ARID1B: variants seen among roughly 807,000 people sequenced by gnomAD.
ARID1B encodes AT-rich interaction domain 1B, also known as AT-rich interactive domain-containing protein 1B.
In ARID1B, 30 loss-of-function variants were observed where a neutral mutation model predicts 212.3. That is an observed-to-expected ratio of 0.14 (90% CI 0.11 to 0.19). The LOEUF (loss-of-function observed/expected upper bound fraction) is 0.19, where lower values mean the gene tolerates loss of function less well. Among genes scored for constraint, ARID1B ranks in the 10% least tolerant of loss-of-function variants. The probability of loss-of-function intolerance (pLI) is 1.00; values close to 1 mark genes in which losing one functional copy is unlikely to be tolerated. For synonymous variants in ARID1B, 1,402 were observed against 1,301.7 expected, an observed-to-expected ratio of 1.08 and a Z score of -1.66; for missense variants, 2,891 against 3,204.0, an observed-to-expected ratio of 0.90 and a Z score of 2.36.
intron 4 of ARID1B, among the ~76,000 whole-genome samples, chr6:156,960,256 G>C (rs545956513): frequency 3.9e-5 from 6 of 152,050 alleles, no homozygotes; most frequent in Admixed American, 3.3e-4. Context: ...TTTAAACCAC[G>C]ACCAAAACAG....
chr6:157,007,689 G>A (rs12206666), intron 4 of ARID1B, among the ~76,000 whole-genome samples: 47,401 of 151,468 alleles, frequency 0.31, 7,588 homozygotes, highest in African/African-American at 0.32. Context: ...AAGTTCCATA[G>A]GAATTTTTGC....
intron 2 of ARID1B, among the ~76,000 whole-genome samples, chr6:156,835,101 G>A (rs754297153): frequency 1.8e-4 from 27 of 152,108 alleles, no homozygotes; most frequent in Middle Eastern, 3.4e-3. Context: ...ATTAGCCGGC[G>A]TGGTGGCGGG....
rs146552035 is a variant in ARID1B at position 156,836,465 on chromosome 6, A to G, written c.1986+7044A>G. Among the ~76,000 whole-genome samples the G allele has an allele frequency of 4.6e-5, 7 of 152,222 alleles. No individual in the cohort carries two copies. The East Asian group carries it at 1.2e-3, about 25-fold the overall frequency. Reference sequence around the variant, plus strand: ...GAATCAGAAACTCACCACTGACCCAAAGGAATGAAATGGGCCCAGAACCAG... The same window carrying G: ...GAATCAGAAACTCACCACTGACCCAGAGGAATGAAATGGGCCCAGAACCAG... On this transcript the variant is annotated intron_variant, in intron 2 of 19. Coordinates refer to ENST00000636930, the MANE Select transcript of ARID1B (RefSeq NM_001374828.1).
intron 2 of ARID1B, among the ~76,000 whole-genome samples, chr6:156,848,938 C>T (rs1784406902): frequency 1.3e-5 from 2 of 152,316 alleles, no homozygotes; most frequent in South Asian, 4.1e-4. Context: ...AAGGAGACAA[C>T]TTTGAGTAAA....
intron 3 of ARID1B, among the ~76,000 whole-genome samples, chr6:156,913,940 C>T (rs1268106744): frequency 2.0e-5 from 3 of 149,976 alleles, no homozygotes; most frequent in Admixed American, 6.6e-5. Flanking sequence ...TCTCCACTCC[C>T]CAACGACCAG....
chr6:156,905,537 A>G (rs1000669194), intron 3 of ARID1B, among the ~76,000 whole-genome samples: 1 of 152,238 alleles, frequency 6.6e-6, no homozygotes, highest in Non-Finnish European at 1.5e-5. Flanking sequence ...TTCCATTTAC[A>G]GTACCTTCCA....
intron 2 of ARID1B, among the ~76,000 whole-genome samples, chr6:156,881,229 C>T (rs1235336799): frequency 1.3e-5 from 2 of 152,192 alleles, no homozygotes; most frequent in Non-Finnish European, 2.9e-5. Context: ...AATTACGGCT[C>T]ACTCAGGCAG....
intron 4 of ARID1B, among the ~76,000 whole-genome samples, chr6:156,988,065 A>G (rs1778042338): frequency 6.6e-6 from 1 of 151,104 alleles, no homozygotes; most frequent in Non-Finnish European, 1.5e-5. Flanking sequence ...CATATAGGCA[A>G]AACACTCTAA....
At chr6:157,022,040 C>T (rs1780330998) in intron 4 of ARID1B, among the ~76,000 whole-genome samples, 1 of 152,216 alleles carries the variant, frequency 6.6e-6, no homozygotes, top group Non-Finnish European at 1.5e-5. Context: ...GGAACCCGTT[C>T]GCGTAATTAA....
At chr6:157,087,782 G>A (rs943412182) in intron 5 of ARID1B, among the ~76,000 whole-genome samples, 1 of 145,668 alleles carries the variant, frequency 6.9e-6, no homozygotes, top group Non-Finnish European at 1.5e-5. Context: ...TTTTCACAGA[G>A]TTGAGCTCAG....
Position 156,778,434 on chromosome 6 carries a change from G to T in ARID1B, c.754G>T (p.Gly252Cys), listed in dbSNP as rs1269347919. 5 of 1,467,530 alleles carry T rather than the reference G, an allele frequency of 3.4e-6. No individual in the cohort carries two copies. Among genetic ancestry groups the T allele is most frequent in the Non-Finnish European group, 4.5e-6 (5 of 1,114,608 alleles). 90.9% of individuals were successfully genotyped at this position (1,467,530 alleles called of 1,614,324 possible). ...HGGAKDSAAGGQADPPGPPLL... is the reference protein window; with the variant it reads ...HGGAKDSAAGCQADPPGPPLL... The stretch of plus-strand genomic sequence containing the variant: ...AGGCGCCAAGGACAGTGCTGCGGGC[G>T]GCCAGGCCGACCCCCCGGGCCCGCC... The change falls in exon 1 of 20, where the codon GGC becomes TGC. Residue 252 changes from glycine to cysteine, a missense_variant. By Grantham distance (159) the Gly-to-Cys change is radical. Around this residue, in one of 7 missense-constraint regions of ARID1B, gnomAD observed 1,643 missense variants for 1,544.0 expected, o/e 1.06. Coordinates refer to ENST00000636930, the MANE Select transcript of ARID1B (RefSeq NM_001374828.1).
chr6:157,124,070 T>C (rs1787968802), intron 6 of ARID1B, among the ~76,000 whole-genome samples: 1 of 152,240 alleles, frequency 6.6e-6, no homozygotes, highest in Non-Finnish European at 1.5e-5. Context: ...TCGTTTTTCT[T>C]CCTTGCCTTG....
intron 1 of ARID1B, among the ~76,000 whole-genome samples, chr6:156,811,220 A>G (rs1781533774): frequency 6.6e-6 from 1 of 152,156 alleles, no homozygotes. Context: ...ATGTCATGTG[A>G]TTAAGGAGGG....
chr6:157,192,653 TG>T (rs907823933), intron 15 of ARID1B, among the ~76,000 whole-genome samples: 5 of 152,248 alleles, frequency 3.3e-5, no homozygotes, highest in Non-Finnish European at 5.9e-5. Flanking sequence ...CATCCTACTT[TG>T]GTGACTGTCT....
intron 4 of ARID1B, among the ~76,000 whole-genome samples, chr6:157,053,799 C>T (rs1782758149): frequency 6.6e-6 from 1 of 152,158 alleles, no homozygotes; most frequent in Non-Finnish European, 1.5e-5. Flanking sequence ...ATGAGCTGGG[C>T]ACTGTGGTTC....
At chr6:156,855,616 T>C (rs1421283536) in intron 2 of ARID1B, among the ~76,000 whole-genome samples, 2 of 152,244 alleles carry the variant, frequency 1.3e-5, no homozygotes, top group African/African-American at 4.8e-5. Flanking sequence ...AGCTAAACAA[T>C]AAGTTAGCTA....
intron 5 of ARID1B, among the ~76,000 whole-genome samples, chr6:157,108,306 C>G (rs753046862): frequency 5.3e-5 from 8 of 152,156 alleles, no homozygotes; most frequent in Non-Finnish European, 1.0e-4. Context: ...TTACTTACAG[C>G]CTTTTTTATT....
chr6:156,981,527 A>G (rs942577732), intron 4 of ARID1B, among the ~76,000 whole-genome samples: 6 of 152,214 alleles, frequency 3.9e-5, no homozygotes, highest in African/African-American at 7.2e-5. Flanking sequence ...GTACATATAC[A>G]TGCAATCATT....
At chr6:156,927,646 A>G (rs1405344286) in intron 3 of ARID1B, among the ~76,000 whole-genome samples, 1 of 152,244 alleles carries the variant, frequency 6.6e-6, no homozygotes, top group Non-Finnish European at 1.5e-5. Context: ...TGTGTTCTGT[A>G]GCACATTTAC....
Sources: gnomAD v4.1 joint callset for allele counts (sites outside exome capture counted in the v4.1 genomes callset) on GRCh38, gnomAD v4.1.1 for gene constraint, gnomAD v4.1.1 regional missense constraint, MANE v1.5 for transcripts, NCBI Gene and HGNC (gene_info 2026-07-23, HGNC 2026-07-21) for gene names.